Variants in CACNA1C observed in about 807,000 individuals in gnomAD.
CACNA1C encodes the protein calcium voltage-gated channel subunit alpha1 C.
In CACNA1C, 30 loss-of-function variants were observed where a neutral mutation model predicts 229.0. The ratio of observed to expected loss-of-function variants is 0.13; its 90% CI spans 0.10 to 0.18. The LOEUF (loss-of-function observed/expected upper bound fraction) is 0.18, where lower values mean the gene tolerates loss of function less well. Among genes scored for constraint, CACNA1C ranks in the 10% least tolerant of loss-of-function variants. CACNA1C has a pLI of 1.00. For missense variants in CACNA1C, 1,658 were observed against 2,845.0 expected (o/e 0.58, Z 9.49); for synonymous variants, 1,114 against 1,132.5 (o/e 0.98, Z 0.33).
chr12:2,257,785 G>A (rs2078551464), intron 3 of CACNA1C, among the ~76,000 whole-genome samples: 1 of 152,252 alleles, frequency 6.6e-6, no homozygotes, highest in Non-Finnish European at 1.5e-5. Context: ...TCTTCAGAAT[G>A]TTCTTTTCTA....
intron 3 of CACNA1C, among the ~76,000 whole-genome samples, chr12:2,147,885 A>G (rs1417825107): frequency 6.6e-6 from 1 of 151,128 alleles, no homozygotes; most frequent in Non-Finnish European, 1.5e-5. Context: ...TAGGATTACC[A>G]TTGTCAGTTG....
intron 9 of CACNA1C, chr12:2,547,434 A>G (rs1228868851): frequency 1.3e-6 from 1 of 779,500 alleles, no homozygotes; most frequent in East Asian, 2.4e-5. Context: ...GACACTGACC[A>G]TCTTGTCTGT....
At chr12:2,228,558 T>C (rs997135956) in intron 3 of CACNA1C, among the ~76,000 whole-genome samples, 6 of 152,284 alleles carry the variant, frequency 3.9e-5, no homozygotes, top group Admixed American at 2.0e-4. Flanking sequence ...TGACAAGGTA[T>C]GTGCTAAAGA....
At chr12:2,501,281 C>G (rs1454214947) in intron 7 of CACNA1C, among the ~76,000 whole-genome samples, 1 of 150,584 alleles carries the variant, frequency 6.6e-6, no homozygotes, top group Non-Finnish European at 1.5e-5. Flanking sequence ...TGCTTCTGAC[C>G]CTCCTTAGCA....
In CACNA1C at chr12:2,633,560, G is replaced by C; in HGVS notation, c.3829-737G>C. The C allele has an allele frequency of 1.1e-6, 1 of 889,022 alleles. No homozygotes were observed. Among genetic ancestry groups the C allele is most frequent in the Admixed American group, 1.7e-5 (1 of 57,284 alleles). 55.1% of individuals were successfully genotyped at this position (889,022 alleles called of 1,614,324 possible). On this transcript the variant is annotated intron_variant, in intron 29 of 46. Transcript: ENST00000399655. The surrounding 1 kb of genome is among the most constrained non-coding windows in gnomAD (Gnocchi z 5.8). ...TGCCTGGACGATGATTCTGATGGTG[G>C]TGTTGCTCTGTTCTTGTCTGTCTAA...
At chr12:2,256,263 T>C (rs1245600333) in intron 3 of CACNA1C, among the ~76,000 whole-genome samples, 1 of 152,172 alleles carries the variant, frequency 6.6e-6, no homozygotes, top group African/African-American at 2.4e-5. Context: ...CATATTAAAT[T>C]TTGAGAACTG....
At chr12:2,012,269 C>T (rs2044578318) in intron 1 of CACNA1C, among the ~76,000 whole-genome samples, 1 of 151,666 alleles carries the variant, frequency 6.6e-6, no homozygotes, top group Admixed American at 6.6e-5. Context: ...AGAATATTTC[C>T]TTACCCGGTC....
At chr12:2,336,552 A>G (rs779277315) in intron 3 of CACNA1C, among the ~76,000 whole-genome samples, 3 of 152,210 alleles carry the variant, frequency 2.0e-5, no homozygotes, top group Non-Finnish European at 2.9e-5. Context: ...TCTGTTCACC[A>G]TGAGATGAGG....
chr12:2,097,651 C>T (rs2074769861), intron 1 of CACNA1C, among the ~76,000 whole-genome samples: 1 of 152,180 alleles, frequency 6.6e-6, no homozygotes, highest in African/African-American at 2.4e-5. Flanking sequence ...TTACAGTGAG[C>T]CGCCGGGGCT....
chr12:2,682,060 G>C (rs2097175452), intron 42 of CACNA1C: 5 of 1,517,092 alleles, frequency 3.3e-6, no homozygotes, highest in Non-Finnish European at 3.7e-6. Context: ...TCTAGGTGAG[G>C]CTTCCTCTCT....
chr12:2,408,930 A>G (rs2098771843), intron 3 of CACNA1C, among the ~76,000 whole-genome samples: 1 of 152,206 alleles, frequency 6.6e-6, no homozygotes, highest in Admixed American at 6.5e-5. Context: ...GCCTATTGCC[A>G]TCCTCCGTGA....
At chr12:2,298,703 C>T (rs1373663196) in intron 3 of CACNA1C, among the ~76,000 whole-genome samples, 1 of 152,258 alleles carries the variant, frequency 6.6e-6, no homozygotes, top group Non-Finnish European at 1.5e-5. Context: ...GGACTAACTT[C>T]TGTAGGCCCG....
At chr12:2,501,069 T>C (rs1318018989) in intron 7 of CACNA1C, among the ~76,000 whole-genome samples, 2 of 147,062 alleles carry the variant, frequency 1.4e-5, no homozygotes, top group Non-Finnish European at 3.0e-5. Flanking sequence ...ATTAGCCAGG[T>C]GTGGTGGCGG....
intron 3 of CACNA1C, among the ~76,000 whole-genome samples, chr12:2,310,352 A>AAAAAAAAAAAATAT (rs201363709): frequency 7.2e-6 from 1 of 139,828 alleles, no homozygotes; most frequent in African/African-American, 2.7e-5. Flanking sequence ...TAAAAAAAAA[A>AAAAAAAAAAAATAT]ATATATATAT....
chr12:2,366,608 T>A (rs1005766307), intron 3 of CACNA1C, among the ~76,000 whole-genome samples: 14 of 152,288 alleles, frequency 9.2e-5, no homozygotes, highest in South Asian at 4.2e-4. Context: ...AGGTTAAAAA[T>A]CCGGGTTTCA....
chr12:2,180,819 T>C (rs1274512289), intron 3 of CACNA1C, among the ~76,000 whole-genome samples: 1 of 152,182 alleles, frequency 6.6e-6, no homozygotes, highest in African/African-American at 2.4e-5. Context: ...AAATGGTTGT[T>C]CAGCAAGTGT....
chr12:2,053,627 G>A lies in CACNA1C; in HGVS notation c.49+16G>A, dbSNP rs1470367347. On this transcript the variant is annotated intron_variant, in intron 1 of 46. Coordinates refer to ENST00000399655, the MANE Select transcript of CACNA1C (RefSeq NM_000719.7). This position sits in a 1 kb window ranked among gnomAD's most constrained non-coding sequence, Gnocchi z 5.8. ...AACCACCAAGGTAAGGCTGGACCCC[G>A]CCGCCTCGCCGGGGCTCCCTGCCTT... 3.2e-6 allele frequency: 5 copies of A among 1,567,862 alleles called. No individual in the cohort carries two copies. Among genetic ancestry groups the A allele is most frequent in the East Asian group, 2.4e-5 (1 of 41,270 alleles).
intron 3 of CACNA1C, among the ~76,000 whole-genome samples, chr12:2,278,099 T>C (rs1032034269): frequency 1.3e-5 from 2 of 152,216 alleles, no homozygotes; most frequent in Non-Finnish European, 2.9e-5. Flanking sequence ...TTAAATTCCA[T>C]AGGAATAAAC....
chr12:2,079,067 G>A (rs2064386916), intron 1 of CACNA1C, among the ~76,000 whole-genome samples: 1 of 146,878 alleles, frequency 6.8e-6, no homozygotes, highest in African/African-American at 2.5e-5. Flanking sequence ...CTTATAGGTG[G>A]GAATTGAACA....
Sources: gnomAD v4.1 joint callset for allele counts (sites outside exome capture counted in the v4.1 genomes callset) on GRCh38, gnomAD v4.1.1 for gene constraint, Gnocchi (gnomAD v3.1) non-coding constraint, MANE v1.5 for transcripts, NCBI Gene and HGNC (gene_info 2026-07-23, HGNC 2026-07-21) for gene names.